The following SDK1 variants were observed in gnomAD, a reference collection of about 807,000 sequenced individuals.
The protein encoded by SDK1 is sidekick cell adhesion molecule 1.
In SDK1, 157 loss-of-function variants were observed where a neutral mutation model predicts 245.5. That is an observed-to-expected ratio of 0.64 (90% CI 0.56 to 0.73). The LOEUF (loss-of-function observed/expected upper bound fraction) is 0.73. Among genes scored for constraint, SDK1 ranks in the 30% least tolerant of loss-of-function variants. The pLI is 0.00. For synonymous variants in SDK1, 1,647 were observed against 1,278.5 expected (o/e 1.29, Z -6.15); for missense variants, 3,583 against 3,002.3 (o/e 1.19, Z -4.52).
In SDK1 at chr7:4,233,205, G is replaced by T. The variant is rs778972168; in HGVS notation, c.5828-50G>T. 8.3e-5 allele frequency: 131 copies of T among 1,571,114 alleles called. No homozygotes were observed. In the Admixed American group the frequency reaches 2.2e-3, roughly 26 times the overall value. On this transcript the variant is annotated intron_variant, in intron 40 of 44. Transcript: ENST00000404826. ...AGGCAGGTGCATGGGGCTCGCATCT[G>T]GGACTTCGCACTTCTAACCTCTGCT...
At chr7:3,463,987 G>A (rs1207422820) in intron 1 of SDK1, among the ~76,000 whole-genome samples, 2 of 152,168 alleles carry the variant, frequency 1.3e-5, no homozygotes, top group African/African-American at 4.8e-5. Context: ...CCAGGCAGAT[G>A]TCAAATGTTT....
At chr7:3,441,275 T>C (rs1040262454) in intron 1 of SDK1, among the ~76,000 whole-genome samples, 1 of 152,094 alleles carries the variant, frequency 6.6e-6, no homozygotes, top group Non-Finnish European at 1.5e-5. Context: ...ACAGTATATA[T>C]AGGGTTCAGT....
intron 22 of SDK1, among the ~76,000 whole-genome samples, chr7:4,082,381 A>G (rs1449386918): frequency 6.6e-6 from 1 of 151,970 alleles, no homozygotes; most frequent in East Asian, 2.0e-4. Flanking sequence ...CTAAAAATAC[A>G]AAAATTAGCC....
At chr7:3,613,980 G>T (rs1237179130) in intron 1 of SDK1, among the ~76,000 whole-genome samples, 1 of 152,164 alleles carries the variant, frequency 6.6e-6, no homozygotes, top group Non-Finnish European at 1.5e-5. Context: ...TTGGAGCGTG[G>T]AGGATGAGAG....
intron 1 of SDK1, among the ~76,000 whole-genome samples, chr7:3,556,443 G>A (rs1172432735): frequency 2.0e-5 from 3 of 152,054 alleles, no homozygotes; most frequent in African/African-American, 7.2e-5. Context: ...ATGGTTAATG[G>A]GTACAAAAAT....
chr7:4,046,895 A>G (rs555098341), intron 17 of SDK1, among the ~76,000 whole-genome samples: 2 of 150,574 alleles, frequency 1.3e-5, no homozygotes, highest in East Asian at 3.9e-4. Context: ...TGGGATTTAG[A>G]TTGGGGTTTT....
At chr7:3,943,588 T>C (rs1780458780) in intron 5 of SDK1, among the ~76,000 whole-genome samples, 1 of 150,900 alleles carries the variant, frequency 6.6e-6, no homozygotes. Context: ...GACCAGCTCT[T>C]GCTCATTCGA....
intron 4 of SDK1, among the ~76,000 whole-genome samples, chr7:3,819,083 GT>G (rs1468205478): frequency 6.6e-6 from 1 of 152,164 alleles, no homozygotes; most frequent in Non-Finnish European, 1.5e-5. Context: ...GGTTTTGGAT[GT>G]TTTATTTTCA....
intron 22 of SDK1, among the ~76,000 whole-genome samples, chr7:4,088,619 G>A (rs769965158): frequency 4.3e-4 from 65 of 151,772 alleles, no homozygotes; most frequent in Non-Finnish European, 6.9e-4. Context: ...CTATTGAGCT[G>A]CTCATTTGGT....
chr7:3,453,728 C>T (rs111488404), intron 1 of SDK1, among the ~76,000 whole-genome samples: 49 of 149,468 alleles, frequency 3.3e-4, no homozygotes, highest in African/African-American at 8.7e-4. Flanking sequence ...TACAGGTGCA[C>T]CACCATGTCT....
At chr7:4,064,855 T>C (rs1779766759) in intron 19 of SDK1, among the ~76,000 whole-genome samples, 1 of 151,664 alleles carries the variant, frequency 6.6e-6, no homozygotes, top group African/African-American at 2.4e-5. Flanking sequence ...AAGGCCAATC[T>C]CATGGAGATA....
intron 1 of SDK1, among the ~76,000 whole-genome samples, chr7:3,552,307 T>C (rs1034527960): frequency 6.6e-6 from 1 of 152,096 alleles, no homozygotes; most frequent in Non-Finnish European, 1.5e-5. Context: ...TCCCAAAGTG[T>C]GGGGATTACA....
intron 2 of SDK1, among the ~76,000 whole-genome samples, chr7:3,620,613 C>T (rs530002082): frequency 1.7e-4 from 26 of 152,110 alleles, no homozygotes; most frequent in African/African-American, 6.0e-4. Context: ...TTATTAGCTG[C>T]CAACATTTGA....
At chr7:3,942,089 G>C (rs767478941) in intron 5 of SDK1, among the ~76,000 whole-genome samples, 1 of 151,992 alleles carries the variant, frequency 6.6e-6, no homozygotes, top group Admixed American at 6.6e-5. Context: ...TGTATTTTTA[G>C]TGGAGACGGG....
intron 1 of SDK1, among the ~76,000 whole-genome samples, chr7:3,578,930 G>A (rs908904945): frequency 1.3e-5 from 2 of 151,886 alleles, no homozygotes; most frequent in Non-Finnish European, 2.9e-5. Flanking sequence ...CTCAGTTTAT[G>A]AAAATAACAG....
chr7:4,094,724 C>T (rs1390420262), intron 22 of SDK1, among the ~76,000 whole-genome samples: 1 of 152,122 alleles, frequency 6.6e-6, no homozygotes, highest in East Asian at 1.9e-4. Context: ...GGGATTGCAG[C>T]GAGAGAAAGT....
At chr7:3,974,274 A>C in intron 12 of SDK1, 95 bp from the exon 13 acceptor site, 1 of 1,001,156 alleles carries the variant, frequency 1.0e-6, no homozygotes. Flanking sequence ...TCCATTCACA[A>C]GATTGTTAGT....
At chr7:3,616,227 T>C (rs1781767383) in intron 1 of SDK1, among the ~76,000 whole-genome samples, 1 of 152,104 alleles carries the variant, frequency 6.6e-6, no homozygotes, top group South Asian at 2.1e-4. Flanking sequence ...TCATCATCAT[T>C]ATCATATTGA....
chr7:4,205,859 C>G lies in SDK1; in HGVS notation c.5099-20C>G. 1 of 1,540,618 alleles carries G rather than the reference C, an allele frequency of 6.5e-7. No individual in the cohort carries two copies. The highest frequency in any genetic ancestry group is 8.8e-7 in the Non-Finnish European group (1 of 1,137,310). The stretch of plus-strand genomic sequence containing the variant: ...TCTGAATGAACGTCTCAGCTTCTCT[C>G]CGCATTGCTCTTTCCTCAGCCCCGG... On this transcript the variant is annotated intron_variant, in intron 35 of 44. Transcript: ENST00000404826.
Sources: gnomAD v4.1 joint callset for allele counts (sites outside exome capture counted in the v4.1 genomes callset) on GRCh38, gnomAD v4.1.1 for gene constraint, MANE v1.5 for transcripts, NCBI Gene and HGNC (gene_info 2026-07-23, HGNC 2026-07-21) for gene names.